The following TP63 variants were observed in gnomAD, a reference collection of about 807,000 sequenced individuals.
TP63 encodes tumor protein p63.
In TP63, 17 loss-of-function variants were observed where a neutral mutation model predicts 82.8. The ratio of observed to expected loss-of-function variants is 0.21; its 90% CI spans 0.14 to 0.31. The LOEUF is 0.31. TP63 is among the 10% of genes least tolerant of loss of function. The pLI is 1.00. For synonymous variants in TP63, 330 were observed against 321.7 expected, an observed-to-expected ratio of 1.03 and a Z score of -0.28; for missense variants, 648 against 895.3, an observed-to-expected ratio of 0.72 and a Z score of 3.52.
intron 1 of TP63, among the ~76,000 whole-genome samples, chr3:189,662,146 G>A (rs1454720526): frequency 1.3e-5 from 2 of 151,776 alleles, no homozygotes; most frequent in Admixed American, 1.3e-4. Context: ...GTTCCTTTAG[G>A]TGTGATGTTA....
At chr3:189,663,970 C>G (rs1714156302) in intron 1 of TP63, among the ~76,000 whole-genome samples, 3 of 152,086 alleles carry the variant, frequency 2.0e-5, no homozygotes, top group Non-Finnish European at 1.5e-5. Context: ...TCTATTATTT[C>G]TTGAGTGTCT....
At chr3:189,879,995 A>C in intron 10 of TP63, 1 of 1,574,124 alleles carries the variant, frequency 6.4e-7, no homozygotes. Context: ...TGTGTTTCTG[A>C]ATTCAATTGA....
intron 1 of TP63, among the ~76,000 whole-genome samples, chr3:189,635,608 T>G (rs369112610): frequency 4.6e-5 from 7 of 152,194 alleles, no homozygotes; most frequent in African/African-American, 1.7e-4. Context: ...GCAGATCCTC[T>G]CAGAGGCCCT....
chr3:189,879,309 C>G (rs1719642684), intron 10 of TP63, among the ~76,000 whole-genome samples: 1 of 152,218 alleles, frequency 6.6e-6, no homozygotes, highest in Non-Finnish European at 1.5e-5. Flanking sequence ...GATTGCCCAA[C>G]TTTCAGCAAA....
the TP63 span, among the ~76,000 whole-genome samples, chr3:189,596,967 T>C: frequency 1.3e-5 from 2 of 151,608 alleles, no homozygotes; most frequent in African/African-American, 4.9e-5. Flanking sequence ...CAACACTCAC[T>C]GCGAAGGTCT....
chr3:189,644,239 C>T (rs1043444522), intron 1 of TP63, among the ~76,000 whole-genome samples: 3 of 150,598 alleles, frequency 2.0e-5, no homozygotes, highest in Non-Finnish European at 3.0e-5. Flanking sequence ...GCACCAAGTC[C>T]CTTCCCCTCT....
At chr3:189,749,597 A>G (rs181980768) in intron 3 of TP63, among the ~76,000 whole-genome samples, 9 of 152,338 alleles carry the variant, frequency 5.9e-5, no homozygotes, top group Non-Finnish European at 1.3e-4. Context: ...AGGAATGTCA[A>G]TTAATACAAC....
chr3:189,829,081 G>A (rs925339054), intron 4 of TP63, among the ~76,000 whole-genome samples: 3 of 152,096 alleles, frequency 2.0e-5, no homozygotes, highest in Admixed American at 1.3e-4. Flanking sequence ...ATTTATTACA[G>A]ATGATATTTA....
At chr3:189,837,208 A>T (rs1577069147) in intron 4 of TP63, among the ~76,000 whole-genome samples, 1 of 149,658 alleles carries the variant, frequency 6.7e-6, no homozygotes, top group Non-Finnish European at 1.5e-5. Context: ...TGTTCAAAAC[A>T]TTTTTTTTTT....
At chr3:189,771,174 C>T (rs1723310626) in intron 3 of TP63, among the ~76,000 whole-genome samples, 1 of 150,138 alleles carries the variant, frequency 6.7e-6, no homozygotes, top group South Asian at 2.1e-4. Context: ...GGCTATTGTT[C>T]AGGAGCTCCA....
chr3:189,714,891 T>G (rs1373119400), intron 1 of TP63, among the ~76,000 whole-genome samples: 1 of 152,180 alleles, frequency 6.6e-6, no homozygotes, highest in African/African-American at 2.4e-5. Flanking sequence ...TCAAAAATTC[T>G]ACACAACCAG....
chr3:189,613,735 C>T, the TP63 span, among the ~76,000 whole-genome samples: 5 of 152,158 alleles, frequency 3.3e-5, no homozygotes, highest in African/African-American at 1.2e-4. Flanking sequence ...TGCCCAAGAC[C>T]ATGGGAACCT....
intron 1 of TP63, among the ~76,000 whole-genome samples, chr3:189,702,109 CT>C (rs1333165327): frequency 2.0e-5 from 3 of 152,156 alleles, no homozygotes; most frequent in African/African-American, 7.2e-5. Context: ...AGTCTGGGTC[CT>C]GCTGAATTGG....
At chr3:189,738,520 A>G in intron 2 of TP63, 122 bp from the exon 3 acceptor site, 1 of 1,440,328 alleles carries the variant, frequency 6.9e-7, no homozygotes, top group Non-Finnish European at 9.6e-7. Flanking sequence ...AGAGTTTCTA[A>G]CTCCAAGAAA....
chr3:189,831,183 A>G (rs920274143), intron 4 of TP63, among the ~76,000 whole-genome samples: 7 of 152,354 alleles, frequency 4.6e-5, no homozygotes, highest in African/African-American at 1.2e-4. Flanking sequence ...TGACAACAAC[A>G]AAAGCACTTA....
At chr3:189,855,949 G>A (rs1716238797) in intron 4 of TP63, among the ~76,000 whole-genome samples, 1 of 151,836 alleles carries the variant, frequency 6.6e-6, no homozygotes, top group South Asian at 2.1e-4. Context: ...ACAGGGCAAG[G>A]TACTTTATAC....
chr3:189,755,169 C>T (rs75891922), intron 3 of TP63, among the ~76,000 whole-genome samples: 1 of 152,226 alleles, frequency 6.6e-6, no homozygotes, highest in African/African-American at 2.4e-5. Context: ...TGGTGAGTTT[C>T]ATTCAGAGTT....
intron 5 of TP63, among the ~76,000 whole-genome samples, chr3:189,866,240 C>T (rs1056241450): frequency 2.6e-5 from 4 of 152,174 alleles, no homozygotes; most frequent in African/African-American, 9.7e-5. Context: ...AAGTCATATC[C>T]TTGCTATCTT....
chr3:189,759,447 A>G lies in TP63; in HGVS notation c.324+20673A>G, dbSNP rs185717604. Among the ~76,000 whole-genome samples the G allele has an allele frequency of 1.2e-4, 19 of 152,296 alleles. No individual in the cohort carries two copies. The East Asian group carries it at 3.3e-3, about 26-fold the overall frequency. Reference sequence around the variant, plus strand: ...TGAAGAGGTTTATTGTGAGCCAAATATGAGTGACCATGGCCCTCAAATTTC... The same window carrying G: ...TGAAGAGGTTTATTGTGAGCCAAATGTGAGTGACCATGGCCCTCAAATTTC... On this transcript the variant is annotated intron_variant, in intron 3 of 13. Coordinates refer to ENST00000264731, the MANE Select transcript of TP63 (RefSeq NM_003722.5).
Sources: allele counts gnomAD v4.1 joint callset (sites outside exome capture counted in the v4.1 genomes callset), GRCh38; gene constraint gnomAD v4.1.1; transcripts MANE v1.5; gene names NCBI Gene and HGNC (gene_info 2026-07-23, HGNC 2026-07-21).